Variants in STAU2 observed in about 807,000 individuals in gnomAD.
The protein encoded by STAU2 is double-stranded RNA-binding protein Staufen homolog 2.
STAU2 carries 20 observed loss-of-function variants against 65.9 expected under a neutral mutation model. That is an observed-to-expected ratio of 0.30 (90% CI 0.21 to 0.44). STAU2 has a LOEUF of 0.44. STAU2 is among the 20% of genes least tolerant of loss of function. STAU2 has a pLI of 1.00. For synonymous variants in STAU2, 232 were observed against 233.9 expected (o/e 0.99, Z 0.07); for missense variants, 558 against 683.9 (o/e 0.82, Z 2.05).
intron 1 of STAU2, among the ~76,000 whole-genome samples, chr8:73,743,161 G>C (rs1001781330): frequency 6.6e-6 from 1 of 151,198 alleles, no homozygotes; most frequent in African/African-American, 2.4e-5. Context: ...TTTATGTAAG[G>C]AAAACAGAAG....
intron 13 of STAU2, among the ~76,000 whole-genome samples, chr8:73,485,842 AAAC>A (rs1820883905): frequency 6.6e-6 from 1 of 152,122 alleles, no homozygotes; most frequent in Non-Finnish European, 1.5e-5. Context: ...TCAAACAAAC[AAAC>A]AAACAAACAA....
intron 13 of STAU2, among the ~76,000 whole-genome samples, chr8:73,428,636 C>T (rs1817020495): frequency 6.6e-6 from 1 of 152,136 alleles, no homozygotes; most frequent in Non-Finnish European, 1.5e-5. Context: ...AAAACAACAA[C>T]TAAAAACAAT....
chr8:73,499,873 T>A (rs191420351), intron 13 of STAU2, among the ~76,000 whole-genome samples: 245 of 151,532 alleles, frequency 1.6e-3, no homozygotes, highest in African/African-American at 5.9e-3. Context: ...ACCACGGGAG[T>A]ATGGAATAAC....
intron 9 of STAU2, among the ~76,000 whole-genome samples, chr8:73,608,424 T>C (rs1199888349): frequency 6.6e-6 from 1 of 151,292 alleles, no homozygotes; most frequent in Non-Finnish European, 1.5e-5. Context: ...CTGACCAACA[T>C]GGTGAAAGCC....
chr8:73,605,178 T>G (rs73330824), intron 9 of STAU2, among the ~76,000 whole-genome samples: 4,314 of 152,154 alleles, frequency 0.028, 174 homozygotes, highest in African/African-American at 0.095. Context: ...GTATATTTTA[T>G]GTAAAGCCTG....
intron 1 of STAU2, among the ~76,000 whole-genome samples, 195 bp downstream of exon 1, chr8:73,746,588 G>A (rs1422852754): frequency 7.0e-6 from 1 of 141,968 alleles, no homozygotes; most frequent in Non-Finnish European, 1.5e-5. Context: ...CTCCCCCGCC[G>A]GTCTCCCCTC....
At chr8:73,618,936 T>C (rs1813032574) in intron 6 of STAU2, among the ~76,000 whole-genome samples, 1 of 152,112 alleles carries the variant, frequency 6.6e-6, no homozygotes, top group South Asian at 2.1e-4. Context: ...ATTGAGACAG[T>C]GAAGATTGCA....
intron 9 of STAU2, among the ~76,000 whole-genome samples, chr8:73,605,866 C>T (rs150887690): frequency 6.4e-3 from 371 of 57,866 alleles, no homozygotes; most frequent in Middle Eastern, 0.016. Context: ...CACACACACA[C>T]ACACACACAC....
intron 13 of STAU2, chr8:73,458,689 G>C (rs1036009341): frequency 9.2e-5 from 14 of 152,212 alleles, no homozygotes; most frequent in African/African-American, 3.4e-4. Flanking sequence ...CTTGTTACAT[G>C]AATCTGATCC....
At chr8:73,620,402 G>A (rs996305757) in intron 6 of STAU2, among the ~76,000 whole-genome samples, 2 of 152,074 alleles carry the variant, frequency 1.3e-5, no homozygotes, top group African/African-American at 2.4e-5. Flanking sequence ...GGGAGTGGGC[G>A]CCACTATAAT....
chr8:73,509,513 G>A (rs1364285480), intron 13 of STAU2, among the ~76,000 whole-genome samples: 2 of 152,144 alleles, frequency 1.3e-5, no homozygotes, highest in Admixed American at 6.5e-5. Flanking sequence ...GCTGCCAGGG[G>A]TGGGGAAGAG....
intron 6 of STAU2, among the ~76,000 whole-genome samples, chr8:73,622,477 G>C (rs940077931): frequency 6.6e-6 from 1 of 152,082 alleles, no homozygotes; most frequent in Non-Finnish European, 1.5e-5. Context: ...TGGTGAGGCA[G>C]GAGATGTCCC....
At chr8:73,611,643 TAACA>T (rs1252698903) in intron 9 of STAU2, among the ~76,000 whole-genome samples, 1 of 150,870 alleles carries the variant, frequency 6.6e-6, no homozygotes, top group Non-Finnish European at 1.5e-5. Flanking sequence ...TTTTCCAGCC[TAACA>T]GTTTATTATG....
At chr8:73,687,806 G>T (rs994497548) in intron 5 of STAU2, among the ~76,000 whole-genome samples, 1 of 151,808 alleles carries the variant, frequency 6.6e-6, no homozygotes, top group African/African-American at 2.4e-5. Context: ...CTGCCTCCCG[G>T]GTTCACGCCA....
Position 73,595,267 on chromosome 8 carries a change from T to C in STAU2, c.1060A>G (p.Thr354Ala). The C allele has an allele frequency of 1.2e-6, 2 of 1,609,826 alleles. No individual in the cohort carries two copies. The highest frequency in any genetic ancestry group is 1.7e-6 in the Non-Finnish European group (2 of 1,178,512). ...TTGGCTATCTTTTTATTAGGTCCTGTTCCTGTAGCAACTTCATTGCCTACC... is the reference window on the plus strand; with the variant it reads ...TTGGCTATCTTTTTATTAGGTCCTGCTCCTGTAGCAACTTCATTGCCTACC... The part of the protein sequence containing the change: ...VKVGNEVATG[T>A]GPNKKIAKKN... The change falls in exon 11 of 15, where the codon ACA becomes GCA. Residue 354 changes from threonine (T) to alanine (A), a missense_variant. By Grantham distance (58) the Thr-to-Ala change is moderately conservative. This residue lies in a region of STAU2 where 247 missense variants were observed against 270.1 expected (regional missense o/e 0.91). Coordinates refer to ENST00000524300, the MANE Select transcript of STAU2 (RefSeq NM_001164380.2).
At chr8:73,595,373 C>A in intron 10 of STAU2, 76 bp from the exon 11 acceptor site, 5 of 1,304,580 alleles carry the variant, frequency 3.8e-6, no homozygotes, top group Non-Finnish European at 5.2e-6. Context: ...CATCATAAAG[C>A]AATTCTACTC....
chr8:73,721,423 A>C (rs1173191756), intron 3 of STAU2, among the ~76,000 whole-genome samples: 2 of 151,954 alleles, frequency 1.3e-5, no homozygotes, highest in East Asian at 3.9e-4. Context: ...AAATGCAATT[A>C]GGTCAAGTTG....
In STAU2 at chr8:73,421,151, G is replaced by A. The variant is rs557706364; in HGVS notation, c.*221C>T. 1.0e-5 allele frequency: 5 copies of A among 495,908 alleles called. No homozygotes were observed. In the South Asian group the frequency reaches 1.6e-4, roughly 16 times the overall value. 30.7% of individuals were successfully genotyped at this position (495,908 alleles called of 1,614,324 possible). On this transcript the variant is annotated 3_prime_UTR_variant, in exon 15 of 15. Transcript: ENST00000524300. ...ATTTCTGCTGCCTCTAGGCAAATGA[G>A]TTATGATCTGATCTCGAGTTCCAAG...
chr8:73,542,502 GA>G (rs1313996017), intron 13 of STAU2, among the ~76,000 whole-genome samples: 3 of 152,140 alleles, frequency 2.0e-5, no homozygotes, highest in East Asian at 1.9e-4. Flanking sequence ...CATTGAAATG[GA>G]AAAACCTCTG....
Sources: gnomAD v4.1 joint callset for allele counts (sites outside exome capture counted in the v4.1 genomes callset) on GRCh38, gnomAD v4.1.1 for gene constraint, gnomAD v4.1.1 regional missense constraint, MANE v1.5 for transcripts, NCBI Gene and HGNC (gene_info 2026-07-23, HGNC 2026-07-21) for gene names.